ISCU: variants seen among roughly 807,000 people sequenced by gnomAD.
The protein encoded by ISCU is iron-sulfur cluster assembly enzyme, also known as iron-sulfur cluster assembly enzyme ISCU.
In ISCU, 13 loss-of-function variants were observed where a neutral mutation model predicts 18.4. That is an observed-to-expected ratio of 0.71 (90% CI 0.46 to 1.12). The LOEUF (loss-of-function observed/expected upper bound fraction) is 1.12, where lower values mean the gene tolerates loss of function less well. ISCU is among the 50% of genes most tolerant of loss of function. The pLI is 0.00. For missense variants in ISCU, 229 were observed against 208.7 expected (o/e 1.10, Z -0.60); for synonymous variants, 104 against 87.5 (o/e 1.19, Z -1.06).
upstream of ISCU, among the ~76,000 whole-genome samples, chr12:108,561,780 A>G (rs996901206): frequency 6.6e-6 from 1 of 152,222 alleles, no homozygotes; most frequent in Non-Finnish European, 1.5e-5. Context: ...AGAAATTCTT[A>G]ATTGCTAGGC....
chr12:108,565,453 A>C, intron 3 of ISCU, 22 bp downstream of exon 3: 1 of 1,481,606 alleles, frequency 6.7e-7, no homozygotes, highest in Non-Finnish European at 9.4e-7. Flanking sequence ...CACAAATCTA[A>C]TGGGTCAAAA....
At chr12:108,563,334 GGATA>G (rs1285676441) in intron 1 of ISCU, 1 of 152,658 alleles carries the variant, frequency 6.6e-6, no homozygotes, top group African/African-American at 2.4e-5. Flanking sequence ...GGGGAAGGAG[GGATA>G]GATTCATAGT....
At position 108,569,144 on chromosome 12, in the gene ISCU, A is replaced by G. The variant is rs1434305755; in HGVS notation, c.*228A>G. On this transcript the variant is annotated 3_prime_UTR_variant, in exon 5 of 5. Transcript: ENST00000311893. The stretch of plus-strand genomic sequence containing the variant: ...TTTATCGCCTTAACCTAGTTAATGT[A>G]TATTTTGAATTGTGTGTATGACCTC... The G allele has an allele frequency of 9.1e-6, 5 of 550,906 alleles. No individual in the cohort carries two copies. The highest frequency in any genetic ancestry group is 1.9e-5 in the African/African-American group (1 of 52,830). 34.1% of individuals were successfully genotyped at this position (550,906 alleles called of 1,614,324 possible). A position where few individuals can be genotyped will look rare whatever the true frequency, so the allele number is the denominator to read the frequency against.
intron 1 of ISCU, 186 bp from the exon 2 acceptor site, chr12:108,564,091 GAC>G (rs762081925): frequency 1.2e-6 from 2 of 1,612,136 alleles, no homozygotes; most frequent in Non-Finnish European, 8.5e-7. Flanking sequence ...TTGTAGAGGA[GAC>G]ACAAAAGGAA....
chr12:108,565,321 A>G lies in ISCU; in HGVS notation c.229A>G (p.Ile77Val), dbSNP rs1361221215. 1 of 1,612,150 alleles carries G rather than the reference A, an allele frequency of 6.2e-7. No individual in the cohort carries two copies. The highest frequency in any genetic ancestry group is 8.5e-7 in the Non-Finnish European group (1 of 1,178,210). Residue 77 changes from isoleucine (I) to valine (V), a missense_variant and splice_region_variant, in exon 3 of 5, where the codon ATT becomes GTT. Physicochemically the swap from Ile to Val is conservative, Grantham distance 29 (BLOSUM62 3). Coordinates refer to ENST00000311893, the MANE Select transcript of ISCU (RefSeq NM_213595.4). ...CACTTAACTCTTGTCTCTTTTCTAGATTCAAGTGGATGAAAAGGGGAAGAT... is the reference window on the plus strand; with the variant it reads ...CACTTAACTCTTGTCTCTTTTCTAGGTTCAAGTGGATGAAAAGGGGAAGAT... ...PACGDVMKLQ[I>V]QVDEKGKIVD... is the part of the protein sequence containing the mutation.
At chr12:108,565,134 G>A in intron 2 of ISCU, 187 bp from the exon 3 acceptor site, 1 of 610,154 alleles carries the variant, frequency 1.6e-6, no homozygotes, top group Non-Finnish European at 2.9e-6. Flanking sequence ...GGCCTGGATA[G>A]TTGTCCCTGC....
chr12:108,561,503 T>G (rs528727315), upstream of ISCU: 4 of 227,482 alleles, frequency 1.8e-5, no homozygotes, highest in Non-Finnish European at 2.6e-5. Context: ...TCAAAGTGAT[T>G]CTTCGATTAA....
chr12:108,561,551 G>A (rs2030565126), upstream of ISCU, among the ~76,000 whole-genome samples: 1 of 152,132 alleles, frequency 6.6e-6, no homozygotes, highest in East Asian at 1.9e-4. Context: ...TGGCGCTTGG[G>A]TTTACTCTCC....
rs1489347558 is a variant in ISCU, at chr12:108,568,905, G to A, written c.493G>A (p.Glu165Lys). 5 of 1,611,556 alleles carry A rather than the reference G, an allele frequency of 3.1e-6. No individual in the cohort carries two copies. The highest frequency in any genetic ancestry group is 4.2e-6 in the Non-Finnish European group (5 of 1,178,936). The part of the protein sequence containing the change: ...LKQEPKKGEA[E>K]KK ...ACAAGAACCCAAAAAAGGAGAGGCA[G>A]AGAAGAAATGAGCCCTCCCTCGGCG... Residue 165 changes from glutamate (E) to lysine (K), a missense_variant, in exon 5 of 5, where the codon GAG (glutamate) becomes AAG (lysine). Transcript: ENST00000311893.
At chr12:108,564,179 G>T (rs905020046) in intron 1 of ISCU, 100 bp from the exon 2 acceptor site, 1 of 1,585,038 alleles carries the variant, frequency 6.3e-7, no homozygotes, top group African/African-American at 1.3e-5. Context: ...TTTAGTGATT[G>T]CCTGCCAGGT....
In ISCU at chr12:108,562,709, G is replaced by T. The variant is rs1295863179; in HGVS notation, c.87G>T (p.Ser29=). The T allele has an allele frequency of 1.1e-5, 16 of 1,488,754 alleles. No homozygotes were observed. The highest frequency in any genetic ancestry group is 1.3e-5 in the Non-Finnish European group (15 of 1,129,612). The allele number at this position is 1,488,754 out of a possible 1,614,324, so 92.2% of individuals were successfully genotyped here. The change falls in exon 1 of 5, where the codon TCG becomes TCT. Residue 29 remains serine, a synonymous_variant. Coordinates refer to ENST00000311893, the MANE Select transcript of ISCU (RefSeq NM_213595.4). ...RSPRLPAREL[S]APARLYHKKV... Reference sequence around the variant, plus strand: ...CCCGCCTGCCCGCCCGGGAGCTGTCGGCCCCGGCCCGACTCTATCACAAGA... The same window carrying T: ...CCCGCCTGCCCGCCCGGGAGCTGTCTGCCCCGGCCCGACTCTATCACAAGA...
intron 1 of ISCU, chr12:108,563,877 C>T (rs538689230): frequency 1.1e-4 from 69 of 610,838 alleles, no homozygotes; most frequent in Non-Finnish European, 1.8e-4. Context: ...CTTTCCCTCC[C>T]TGGGCCATGG....
intron 4 of ISCU, chr12:108,568,273 T>C: frequency 1.7e-6 from 2 of 1,149,766 alleles, no homozygotes; most frequent in East Asian, 4.6e-5. Context: ...GCTCTCTCAG[T>C]TTTTATTTTC....
In ISCU at chr12:108,569,117, CT is replaced by C; in HGVS notation, c.*205del. 3.4e-6 allele frequency: 2 copies of C among 596,046 alleles called. No homozygotes were observed. The highest frequency in any genetic ancestry group is 3.0e-6 in the Non-Finnish European group (1 of 334,242). 36.9% of individuals were successfully genotyped at this position (596,046 alleles called of 1,614,324 possible). ...GAATCCTGTGGTTTCTTTCAGCCCA[CT>C]TTTATCGCCTTAACCTAGTTAATGT... On this transcript the variant is annotated 3_prime_UTR_variant, in exon 5 of 5. Transcript: ENST00000311893.
Position 108,569,232 on chromosome 12 carries a change from T to A in ISCU, c.*316T>A, listed in dbSNP as rs973378479. ...GCCCGTGAAGTGCATAAGTATCTAA[T>A]TTTACCTGAATTGATTTGGGGGGAA... On this transcript the variant is annotated 3_prime_UTR_variant, in exon 5 of 5. Transcript: ENST00000311893. The A allele has an allele frequency of 1.2e-5, 4 of 347,270 alleles. No individual in the cohort carries two copies. Among genetic ancestry groups the A allele is most frequent in the African/African-American group, 2.1e-5 (1 of 47,820 alleles). The allele number at this position is 347,270 out of a possible 1,614,324, so 21.5% of individuals were successfully genotyped here. A position where few individuals can be genotyped will look rare whatever the true frequency, so the allele number is the denominator to read the frequency against.
chr12:108,562,585 GGCGTC>G, upstream of ISCU: 1 of 1,216,396 alleles, frequency 8.2e-7, no homozygotes, highest in East Asian at 3.1e-5. Flanking sequence ...CCCGCCCCTC[GGCGTC>G]GCTCTGGACT....
At chr12:108,564,077 A>G (rs376834334) in intron 1 of ISCU, 2 of 1,608,624 alleles carry the variant, frequency 1.2e-6, no homozygotes, top group Admixed American at 1.7e-5. Flanking sequence ...AAATCTGTGA[A>G]GTATTGTAGA....
chr12:108,567,995 G>T (rs961388171), intron 4 of ISCU: 17 of 1,531,408 alleles, frequency 1.1e-5, no homozygotes, highest in Non-Finnish European at 1.4e-5. Context: ...AAAATCAGCA[G>T]AGAGTCAGGC....
rs10083030 is a variant in ISCU, at chr12:108,564,564, C to T, written c.228+172C>T. ...ATGTTAGATATGACTGGAGCAGGGC[C>T]TCAATCGTAGCTCTCCTGCTAGGCT... On this transcript the variant is annotated intron_variant, in intron 2 of 4. Transcript: ENST00000311893. Among the ~76,000 whole-genome samples the T allele has an allele frequency of 0.045, 6,809 of 152,264 alleles. 508 individuals carry two copies. Among genetic ancestry groups the T allele is most frequent in the African/African-American group, 0.15 (6,417 of 41,512 alleles).
Sources: allele counts gnomAD v4.1 joint callset (sites outside exome capture counted in the v4.1 genomes callset), GRCh38; gene constraint gnomAD v4.1.1; transcripts MANE v1.5; gene names NCBI Gene and HGNC (gene_info 2026-07-23, HGNC 2026-07-21).